Variants in EML1 observed in about 807,000 individuals in gnomAD.
EML1 encodes the protein echinoderm microtubule-associated protein-like 1.
Under a neutral mutation model 110.4 loss-of-function variants are expected in EML1, and 27 were observed. The observed-to-expected ratio is 0.24, with a 90% CI of 0.18 to 0.34. The LOEUF is 0.34. EML1 is among the 10% of genes least tolerant of loss of function. The probability of loss-of-function intolerance (pLI) is 1.00; values close to 1 mark genes in which losing one functional copy is unlikely to be tolerated. For missense variants in EML1, 741 were observed against 1,030.9 expected (o/e 0.72, Z 3.85); for synonymous variants, 344 against 385.8 (o/e 0.89, Z 1.27).
At chr14:99,818,014 G>A (rs990356959) in intron 1 of EML1, among the ~76,000 whole-genome samples, 5 of 152,154 alleles carry the variant, frequency 3.3e-5, no homozygotes, top group African/African-American at 1.2e-4. Flanking sequence ...GGTGTTCCAT[G>A]AAGATAGAGT....
rs186187446 is a variant in EML1 at position 99,928,476 on chromosome 14, G to A, written c.1910-7553G>A. On this transcript the variant is annotated intron_variant, in intron 17 of 21. Transcript: ENST00000262233. ...GCCCTCCTTCCTTTTTCATCTGAAG[G>A]GAGGAGATCACAATATGGGTGTTAG... Among the ~76,000 whole-genome samples, 1,503 of 151,898 alleles carry A rather than the reference G, an allele frequency of 9.9e-3. 7 individuals are homozygous for A. The highest frequency in any genetic ancestry group is 0.02 in the Middle Eastern group (6 of 294).
chr14:99,909,470 A>G lies in EML1; in HGVS notation c.1230A>G (p.Gly410=), dbSNP rs1364758980. Residue 410 remains glycine, a synonymous_variant, in exon 11 of 22, where the codon GGA becomes GGG. Coordinates refer to ENST00000262233, the MANE Select transcript of EML1 (RefSeq NM_004434.3). ...GAAGCTCCCTTAATAAGAAGCAAGG[A>G]TTATTCGAGGTAAAGTTAAATTATG... is the stretch of plus-strand genomic sequence containing the variant. ...LEGSSLNKKQ[G]LFEKQEKPKF... 3 of 1,614,184 alleles carry G rather than the reference A, an allele frequency of 1.9e-6. No individual in the cohort carries two copies. Among genetic ancestry groups the G allele is most frequent in the Middle Eastern group, 3.3e-4 (2 of 6,062 alleles).
chr14:99,850,096 ATT>A (rs561661395), intron 1 of EML1: 2,442 of 306,634 alleles, frequency 8.0e-3, no homozygotes, highest in South Asian at 0.014. Flanking sequence ...CACCTGGCTA[ATT>A]TTTTTTTTTT....
intron 3 of EML1, among the ~76,000 whole-genome samples, chr14:99,875,951 G>A (rs778551379): frequency 5.3e-5 from 8 of 152,148 alleles, no homozygotes; most frequent in Non-Finnish European, 1.0e-4. Flanking sequence ...GTCCACTCAG[G>A]GGTTCCCCAG....
At chr14:99,917,663 A>G in intron 15 of EML1, 119 bp from the exon 16 acceptor site, 6 of 940,550 alleles carry the variant, frequency 6.4e-6, no homozygotes, top group Admixed American at 4.8e-5. Flanking sequence ...AAATAGAGCC[A>G]TATAGCCCTA....
At chr14:99,787,304 C>T (rs1439873882) in intron 1 of EML1, among the ~76,000 whole-genome samples, 1 of 127,120 alleles carries the variant, frequency 7.9e-6, no homozygotes, top group Non-Finnish European at 1.6e-5. Flanking sequence ...CAGAGTCTCA[C>T]TCTTGTTGTC....
intron 1 of EML1, among the ~76,000 whole-genome samples, chr14:99,845,919 A>G (rs7158126): frequency 0.9 from 136,295 of 151,778 alleles, 61,234 homozygotes; most frequent in East Asian, 1. Flanking sequence ...CGTTGGTGGC[A>G]GGTGCCTGTA....
intron 17 of EML1, among the ~76,000 whole-genome samples, chr14:99,921,862 C>T (rs896910330): frequency 3.3e-5 from 5 of 152,174 alleles, no homozygotes; most frequent in African/African-American, 1.2e-4. Flanking sequence ...TTAACCTTTT[C>T]ATCATCCAAA....
chr14:99,785,950 C>G (rs2057594351), intron 1 of EML1, among the ~76,000 whole-genome samples: 1 of 151,718 alleles, frequency 6.6e-6, no homozygotes, highest in Non-Finnish European at 1.5e-5. Flanking sequence ...GCAGCGCTAA[C>G]CTGATGATCA....
intron 3 of EML1, among the ~76,000 whole-genome samples, chr14:99,870,472 C>G (rs1595407320): frequency 6.6e-6 from 1 of 152,216 alleles, no homozygotes; most frequent in African/African-American, 2.4e-5. Flanking sequence ...AGCAGCTACA[C>G]TAAACAACAC....
intron 1 of EML1, among the ~76,000 whole-genome samples, chr14:99,760,511 C>T (rs144375916): frequency 2.4e-4 from 36 of 152,266 alleles, no homozygotes; most frequent in African/African-American, 3.1e-4. Context: ...GTGTTTAGAA[C>T]GCACCGTTCA....
upstream of EML1, among the ~76,000 whole-genome samples, chr14:99,771,041 C>CCCA (rs569539292): frequency 1.8e-3 from 281 of 152,246 alleles, 1 homozygote; most frequent in Admixed American, 0.018. Context: ...GCCTCAGCCT[C>CCCA]CCAAAGTGCT....
chr14:99,930,216 G>A (rs1402398044), intron 17 of EML1, among the ~76,000 whole-genome samples: 1 of 152,248 alleles, frequency 6.6e-6, no homozygotes, highest in African/African-American at 2.4e-5. Flanking sequence ...AAACTGGACA[G>A]TCGAAACTTT....
rs562125367 is a variant in EML1 at position 99,921,193 on chromosome 14, T to C, written c.1909+316T>C. ...CGGTATTTGGTTTTCTGTTCCTACATTGGTATGCTGAGGATAACAGCTTCC... is the reference window on the plus strand; with the variant it reads ...CGGTATTTGGTTTTCTGTTCCTACACTGGTATGCTGAGGATAACAGCTTCC... On this transcript the variant is annotated intron_variant, in intron 17 of 21. Coordinates refer to ENST00000262233, the MANE Select transcript of EML1 (RefSeq NM_004434.3). Among the ~76,000 whole-genome samples, 6 of 152,280 alleles carry C rather than the reference T, an allele frequency of 3.9e-5. No homozygotes were observed. In the East Asian group the frequency reaches 5.8e-4, roughly 15 times the overall value.
chr14:99,929,232 G>T (rs527250073), intron 17 of EML1, among the ~76,000 whole-genome samples: 10 of 152,348 alleles, frequency 6.6e-5, no homozygotes, highest in Admixed American at 3.3e-4. Context: ...CCAGGGCCGG[G>T]CCAACCGCAT....
Position 99,936,216 on chromosome 14 carries a change from A to G in EML1, c.2008-31A>G, listed in dbSNP as rs375983885. The G allele has an allele frequency of 6.9e-4, 1,112 of 1,613,396 alleles. 1 individual carries two copies. The highest frequency in any genetic ancestry group is 2.1e-3 in the Admixed American group (126 of 60,024). ...GTGTTGGCAGGGACTTCTAAGGCCA[A>G]TGAAATGAAGACAGTGTTTTACCCT... On this transcript the variant is annotated intron_variant, in intron 18 of 21. Coordinates refer to ENST00000262233, the MANE Select transcript of EML1 (RefSeq NM_004434.3). This position sits in a 1 kb window ranked among gnomAD's most constrained non-coding sequence, Gnocchi z 5.5.
At chr14:99,821,721 C>CCGG in intron 1 of EML1, among the ~76,000 whole-genome samples, 1 of 152,298 alleles carries the variant, frequency 6.6e-6, no homozygotes, top group South Asian at 2.1e-4. Flanking sequence ...GAAGGGGACA[C>CCGG]CGGCCCTTTT....
chr14:99,917,788 G>A lies in EML1; in HGVS notation c.1759G>A (p.Ala587Thr), dbSNP rs2060058353. ...TTCCTTTAAAATATTTTAGGATCCA[G>A]CTCAGTCTTCTGGTTTTCATCCTTC... ...PVWDKIIEDP[A>T]QSSGFHPSGS... Residue 587 changes from alanine to threonine, a missense_variant, in exon 16 of 22, where the codon GCT (alanine) becomes ACT (threonine). Physicochemically the swap from Ala to Thr is moderately conservative, Grantham distance 58 (BLOSUM62 0). Coordinates refer to ENST00000262233, the MANE Select transcript of EML1 (RefSeq NM_004434.3). 1 of 1,614,034 alleles carries A rather than the reference G, an allele frequency of 6.2e-7. No individual in the cohort carries two copies. Among genetic ancestry groups the A allele is most frequent in the Admixed American group, 1.7e-5 (1 of 59,992 alleles).
upstream of EML1, among the ~76,000 whole-genome samples, chr14:99,770,376 T>TA (rs1566857263): frequency 2.1e-4 from 30 of 142,340 alleles, no homozygotes; most frequent in African/African-American, 4.7e-4. Context: ...AAAAAATTTC[T>TA]TTCTATCTAT....
Sources: gnomAD v4.1 joint callset for allele counts (sites outside exome capture counted in the v4.1 genomes callset) on GRCh38, gnomAD v4.1.1 for gene constraint, Gnocchi (gnomAD v3.1) non-coding constraint, MANE v1.5 for transcripts, NCBI Gene and HGNC (gene_info 2026-07-23, HGNC 2026-07-21) for gene names.